NFATC3: variants seen among roughly 807,000 people sequenced by gnomAD.
NFATC3 encodes nuclear factor of activated T-cells, cytoplasmic 3.
In NFATC3, 46 loss-of-function variants were observed where a neutral mutation model predicts 98.6. The ratio of observed to expected loss-of-function variants is 0.47; its 90% CI spans 0.37 to 0.60. The LOEUF (loss-of-function observed/expected upper bound fraction) is 0.60. Among genes scored for constraint, NFATC3 ranks in the 20% least tolerant of loss-of-function variants. The pLI is 0.00. For synonymous variants in NFATC3, 512 were observed against 472.2 expected (o/e 1.08, Z -1.09); for missense variants, 1,256 against 1,295.5 (o/e 0.97, Z 0.47).
At chr16:68,176,857 T>C (rs2039732054) in intron 6 of NFATC3, among the ~76,000 whole-genome samples, 1 of 152,164 alleles carries the variant, frequency 6.6e-6, no homozygotes. Context: ...AGTACTCTCA[T>C]GTTCCCTTGC....
At chr16:68,209,546 G>T in intron 9 of NFATC3, 1 of 305,696 alleles carries the variant, frequency 3.3e-6, no homozygotes, top group South Asian at 2.9e-5. Flanking sequence ...CCTCACCCAT[G>T]ATGGCCTAGC....
At chr16:68,174,681 A>T (rs186625329) in intron 6 of NFATC3, among the ~76,000 whole-genome samples, 167 bp downstream of exon 6, 1 of 152,274 alleles carries the variant, frequency 6.6e-6, no homozygotes, top group East Asian at 1.9e-4. Flanking sequence ...TTTCATATAA[A>T]TGTTAAATTA....
intron 3 of NFATC3, among the ~76,000 whole-genome samples, chr16:68,127,618 G>C (rs1054416852): frequency 1.3e-5 from 2 of 151,214 alleles, no homozygotes; most frequent in African/African-American, 4.9e-5. Flanking sequence ...AACCTGGGAG[G>C]TTGAGGCTGT....
intron 4 of NFATC3, among the ~76,000 whole-genome samples, chr16:68,159,299 T>A (rs1363563686): frequency 2.0e-5 from 3 of 151,946 alleles, no homozygotes; most frequent in Non-Finnish European, 4.4e-5. Context: ...AGAAAGGATA[T>A]TGAGTAGGCA....
At position 68,220,734 on chromosome 16, in the gene NFATC3, C is replaced by T. The variant is rs542884223; in HGVS notation, c.3107-5616C>T. 2.9e-3 allele frequency among the ~76,000 whole-genome samples: 425 copies of T among 145,226 alleles called. 5 individuals are homozygous for T. Among genetic ancestry groups the T allele is most frequent in the African/African-American group, 0.01 (393 of 38,326 alleles). On this transcript the variant is annotated intron_variant, in intron 9 of 9. Coordinates refer to ENST00000346183, the MANE Select transcript of NFATC3 (RefSeq NM_173165.3). ...CATCCTGGCTAACACGGTGAAACCCCGTCTCTACTAAAAAAAAAAATACAA... is the reference window on the plus strand; with the variant it reads ...CATCCTGGCTAACACGGTGAAACCCTGTCTCTACTAAAAAAAAAAATACAA...
chr16:68,165,392 C>CTTTTTTTT (rs869025719), intron 4 of NFATC3, among the ~76,000 whole-genome samples: 3 of 104,388 alleles, frequency 2.9e-5, no homozygotes, highest in Admixed American at 9.7e-5. Context: ...TTTTCTTTTT[C>CTTTTTTTT]TTTTTTTTTT....
chr16:68,220,640 G>A (rs1364990775), intron 9 of NFATC3, among the ~76,000 whole-genome samples: 5 of 149,306 alleles, frequency 3.3e-5, no homozygotes, highest in Non-Finnish European at 7.4e-5. Context: ...GGGCAGGGTG[G>A]CTCACGCCTG....
chr16:68,206,633 G>A (rs1259671929), intron 9 of NFATC3, among the ~76,000 whole-genome samples: 2 of 152,076 alleles, frequency 1.3e-5, no homozygotes, highest in African/African-American at 4.8e-5. Flanking sequence ...CCATATGGAG[G>A]AATAATATTC....
chr16:68,207,647 A>G (rs1167607784), intron 9 of NFATC3, among the ~76,000 whole-genome samples: 1 of 151,992 alleles, frequency 6.6e-6, no homozygotes, highest in African/African-American at 2.4e-5. Flanking sequence ...TATTTTTAGT[A>G]AAAACGGGGT....
intron 8 of NFATC3, among the ~76,000 whole-genome samples, chr16:68,186,060 C>A (rs980844960): frequency 6.6e-6 from 1 of 152,054 alleles, no homozygotes; most frequent in Non-Finnish European, 1.5e-5. Flanking sequence ...GATGACAAAT[C>A]AGGTGACATA....
chr16:68,183,486 C>A lies in NFATC3; in HGVS notation c.2098+120C>A, dbSNP rs562377792. On this transcript the variant is annotated intron_variant, in intron 8 of 9. Transcript: ENST00000346183. ...TGCTTATAAACAATGAAAACACCAA[C>A]AGATGCCCACTCTAAAGTTTTTGTT... 4.0e-6 allele frequency: 4 copies of A among 1,011,876 alleles called. No individual in the cohort carries two copies. The South Asian group carries it at 4.9e-5, about 12-fold the overall frequency. 62.7% of individuals were successfully genotyped at this position (1,011,876 alleles called of 1,614,324 possible).
In NFATC3 at chr16:68,190,757, T is replaced by G; in HGVS notation, c.2099-11T>G. 6.3e-7 allele frequency: 1 copy of G among 1,584,380 alleles called. No individual in the cohort carries two copies. ...GTATAATAATATTTGCTTTAATCAT[T>G]TTCTTTTCAGTTTTGATGAAGCAAG... On this transcript the variant is annotated splice_polypyrimidine_tract_variant and intron_variant, in intron 8 of 9. Coordinates refer to ENST00000346183, the MANE Select transcript of NFATC3 (RefSeq NM_173165.3).
At chr16:68,221,395 A>G in intron 9 of NFATC3, 1 of 1,496,216 alleles carries the variant, frequency 6.7e-7, no homozygotes, top group Non-Finnish European at 8.9e-7. Flanking sequence ...GGTCTGTGAA[A>G]GCACTTTGTT....
At chr16:68,140,010 T>G (rs2037663289) in intron 3 of NFATC3, among the ~76,000 whole-genome samples, 1 of 152,176 alleles carries the variant, frequency 6.6e-6, no homozygotes, top group Non-Finnish European at 1.5e-5. Context: ...TTATTATTAT[T>G]TTTTGAGACA....
At chr16:68,125,681 G>C (rs912706916) in intron 2 of NFATC3, among the ~76,000 whole-genome samples, 1 of 152,112 alleles carries the variant, frequency 6.6e-6, no homozygotes, top group Admixed American at 6.6e-5. Flanking sequence ...GAGATGTTTG[G>C]ATATGTGGAG....
At chr16:68,176,912 GTCTT>G (rs2039736467) in intron 6 of NFATC3, among the ~76,000 whole-genome samples, 2 of 151,956 alleles carry the variant, frequency 1.3e-5, no homozygotes, top group Admixed American at 1.3e-4. Flanking sequence ...ACAGGGGACT[GTCTT>G]TGTGGGGAGC....
Position 68,191,725 on chromosome 16 carries a change from G to T in NFATC3, c.3056G>T (p.Arg1019Leu), listed in dbSNP as rs919837336. 2 of 1,614,114 alleles carry T rather than the reference G, an allele frequency of 1.2e-6. No homozygotes were observed. Among genetic ancestry groups the T allele is most frequent in the Admixed American group, 3.3e-5 (2 of 60,006 alleles). Residue 1019 changes from arginine to leucine, a missense_variant, in exon 9 of 10, where the codon CGA (arginine) becomes CTA (leucine). By Grantham distance (102) the Arg-to-Leu change is moderately radical (BLOSUM62 -2). Transcript: ENST00000346183. ...TVSIKPEPED[R>L]EPNFATIGLQ... ...AGCATTAAACCTGAACCAGAAGATC[G>T]AGAGCCTAACTTTGCAACCATTGGT...
At chr16:68,149,638 A>G (rs1257924886) in intron 3 of NFATC3, among the ~76,000 whole-genome samples, 1 of 152,224 alleles carries the variant, frequency 6.6e-6, no homozygotes, top group African/African-American at 2.4e-5. Context: ...GAAATATGGA[A>G]GTAAGTTCCA....
chr16:68,154,593 T>C (rs914329620), intron 3 of NFATC3, among the ~76,000 whole-genome samples: 2 of 152,318 alleles, frequency 1.3e-5, no homozygotes, highest in African/African-American at 2.4e-5. Context: ...GACTCAGATA[T>C]TATATTTTAA....
Sources: gnomAD v4.1 joint callset for allele counts (sites outside exome capture counted in the v4.1 genomes callset) on GRCh38, gnomAD v4.1.1 for gene constraint, MANE v1.5 for transcripts, NCBI Gene and HGNC (gene_info 2026-07-23, HGNC 2026-07-21) for gene names.